Variants in FRMD1 observed in about 807,000 individuals in gnomAD.
FRMD1 encodes FERM domain-containing protein 1.
In FRMD1, 51 loss-of-function variants were observed where a neutral mutation model predicts 54.9. The ratio of observed to expected loss-of-function variants is 0.93; its 90% CI spans 0.74 to 1.17. The LOEUF is 1.17. FRMD1 is among the 50% of genes most tolerant of loss of function. The probability of loss-of-function intolerance (pLI) is 0.00; values close to 1 mark genes in which losing one functional copy is unlikely to be tolerated. For missense variants in FRMD1, 729 were observed against 743.0 expected (o/e 0.98, Z 0.22); for synonymous variants, 324 against 306.4 (o/e 1.06, Z -0.60).
intron 1 of FRMD1, among the ~76,000 whole-genome samples, chr6:168,091,614 C>G (rs1438597493): frequency 6.6e-6 from 1 of 152,238 alleles, no homozygotes; most frequent in African/African-American, 2.4e-5. Flanking sequence ...CTGGCAACTG[C>G]ATTTGGCGGG....
chr6:168,061,808 T>C lies in FRMD1; in HGVS notation c.1044A>G (p.Glu348=), dbSNP rs766331958. 6.4e-7 allele frequency: 1 copy of C among 1,551,644 alleles called. No homozygotes were observed. The highest frequency in any genetic ancestry group is 1.9e-5 in the Admixed American group (1 of 52,088). ...LQQLRQREEA[E]EKQHYRESYI... ...CCAGCATACCCAGCCCAGCCCCACC[T>C]TCTGCCTCCTCCCGCTGCCGCAGCT... Residue 348 remains glutamate (E), a splice_region_variant and synonymous_variant, in exon 8 of 11, where the codon GAA becomes GAG. Transcript: ENST00000283309.
chr6:168,057,388 A>G (rs924116136), intron 10 of FRMD1, 49 bp from the exon 11 acceptor site: 22 of 1,587,022 alleles, frequency 1.4e-5, no homozygotes, highest in Non-Finnish European at 1.8e-5. Context: ...TCTCACTCCC[A>G]CCACCGCACA....
intron 7 of FRMD1, 30 bp downstream of exon 7, chr6:168,062,864 G>T: frequency 6.2e-7 from 1 of 1,608,012 alleles, no homozygotes; most frequent in Non-Finnish European, 8.5e-7. Flanking sequence ...AGGACGAGGG[G>T]CTCTGTGAGG....
chr6:168,078,661 CCTGCTCACCCCCATGGCT>C (rs1236145120), intron 1 of FRMD1, among the ~76,000 whole-genome samples: 7 of 138,840 alleles, frequency 5.0e-5, no homozygotes, highest in African/African-American at 8.2e-5. Flanking sequence ...CACCCAGGGC[CCTGCTCACCCCCATGGCT>C]CTGCTCACCC....
rs1052063279 is a variant in FRMD1 at position 168,059,392 on chromosome 6, G to A, written c.1343-204C>T. Among the ~76,000 whole-genome samples the A allele has an allele frequency of 3.9e-5, 6 of 152,186 alleles. No homozygotes were observed. The highest frequency in any genetic ancestry group is 1.9e-4 in the East Asian group (1 of 5,180). ...AAACGGCCCCTTGCTGTGCAGATGC[G>A]GGATTAGCACGGTGATTCCCGCTGG... On this transcript the variant is annotated intron_variant, in intron 9 of 10. Transcript: ENST00000283309. This position sits in a 1 kb window ranked among gnomAD's most constrained non-coding sequence, Gnocchi z 4.4.
chr6:168,087,837 C>A (rs1388188133), intron 1 of FRMD1, among the ~76,000 whole-genome samples: 1 of 152,172 alleles, frequency 6.6e-6, no homozygotes. Context: ...GACCTCACCA[C>A]CCGTCTGGGC....
chr6:168,067,949 G>GAA (rs11428700), intron 2 of FRMD1, among the ~76,000 whole-genome samples: 12,324 of 147,656 alleles, frequency 0.083, 534 homozygotes, highest in African/African-American at 0.11. Flanking sequence ...GTCACCACAG[G>GAA]AAAAAAAAAA....
intron 1 of FRMD1, among the ~76,000 whole-genome samples, chr6:168,092,716 T>C (rs1234161189): frequency 6.6e-6 from 1 of 152,214 alleles, no homozygotes; most frequent in Non-Finnish European, 1.5e-5. Flanking sequence ...GATTGTCTGT[T>C]GTTTAAGCTC....
chr6:168,070,578 T>C (rs977698747), intron 2 of FRMD1, among the ~76,000 whole-genome samples: 1 of 151,980 alleles, frequency 6.6e-6, no homozygotes, highest in Admixed American at 6.5e-5. Context: ...TCTCCCTGGG[T>C]CTCCAGCCTG....
rs1799703414 is a variant in FRMD1 at position 168,061,062 on chromosome 6, G to C, written c.1046-5C>G. The C allele has an allele frequency of 6.2e-7, 1 of 1,603,214 alleles. No homozygotes were observed. Among genetic ancestry groups the C allele is most frequent in the Admixed American group, 1.7e-5 (1 of 59,332 alleles). ...ACTCCCGGTAGTGCTGCTTCTCTGT[G>C]GGGAGTGGGGAGCACAGTGAGGGCG... On this transcript the variant is annotated splice_polypyrimidine_tract_variant and splice_region_variant and intron_variant, in intron 8 of 10. Coordinates refer to ENST00000283309, the MANE Select transcript of FRMD1 (RefSeq NM_024919.6).
intron 1 of FRMD1, 52 bp from the exon 2 acceptor site, chr6:168,075,387 G>A: frequency 6.8e-7 from 1 of 1,480,170 alleles, no homozygotes; most frequent in South Asian, 1.1e-5. Flanking sequence ...CTGTCCCCAG[G>A]GAGGCCACCT....
chr6:168,083,060 GC>G (rs761506123), upstream of FRMD1, among the ~76,000 whole-genome samples: 4 of 152,256 alleles, frequency 2.6e-5, no homozygotes, highest in Non-Finnish European at 2.9e-5. Flanking sequence ...CGCCGGAGGT[GC>G]TTGCCAGAAA....
chr6:168,088,194 G>GTT (rs1800954004), intron 1 of FRMD1, among the ~76,000 whole-genome samples: 1 of 152,218 alleles, frequency 6.6e-6, no homozygotes, highest in Non-Finnish European at 1.5e-5. Context: ...CTGCCTCTGG[G>GTT]ATGCTCCGGC....
intron 2 of FRMD1, among the ~76,000 whole-genome samples, chr6:168,074,218 C>T (rs983363222): frequency 6.6e-6 from 1 of 152,134 alleles, no homozygotes; most frequent in African/African-American, 2.4e-5. Flanking sequence ...GCCCAGGGGA[C>T]CGGCCCCACT....
chr6:168,065,164 C>T (rs577882874), intron 4 of FRMD1, 107 bp from the exon 5 acceptor site: 4 of 1,449,472 alleles, frequency 2.8e-6, no homozygotes, highest in African/African-American at 2.8e-5. Context: ...CTGTCCTGAG[C>T]CCCTGGTACC....
intron 1 of FRMD1, among the ~76,000 whole-genome samples, chr6:168,077,907 G>A (rs890654498): frequency 5.3e-5 from 8 of 152,192 alleles, no homozygotes; most frequent in African/African-American, 1.4e-4. Context: ...GCTTCTCGTT[G>A]CTGGGTGGGG....
At chr6:168,083,453 G>T (rs558229495), upstream of FRMD1, among the ~76,000 whole-genome samples, 1 of 152,240 alleles carries the variant, frequency 6.6e-6, no homozygotes, top group East Asian at 1.9e-4. Flanking sequence ...GAAAGGAGCC[G>T]CTGTGAACTA....
chr6:168,081,531 G>T, upstream of FRMD1: 1 of 1,519,144 alleles, frequency 6.6e-7, no homozygotes, highest in Non-Finnish European at 8.8e-7. Flanking sequence ...TGGACGGCTG[G>T]TTTCCATCCT....
chr6:168,075,204 C>T (rs191551004), intron 2 of FRMD1, 41 bp downstream of exon 2: 2 of 1,570,542 alleles, frequency 1.3e-6, no homozygotes, highest in Non-Finnish European at 1.8e-6. Flanking sequence ...GCAGATGCGG[C>T]CCCTGGGCAT....
Sources: gnomAD v4.1 joint callset for allele counts (sites outside exome capture counted in the v4.1 genomes callset) on GRCh38, gnomAD v4.1.1 for gene constraint, Gnocchi (gnomAD v3.1) non-coding constraint, MANE v1.5 for transcripts, NCBI Gene and HGNC (gene_info 2026-07-23, HGNC 2026-07-21) for gene names.